Variants in EFEMP1 observed in about 807,000 individuals in gnomAD.
The protein encoded by EFEMP1 is EGF-like fibulin extracellular matrix protein 1, also known as EGF-containing fibulin-like extracellular matrix protein 1.
In EFEMP1, 18 loss-of-function variants were observed where a neutral mutation model predicts 65.7. That is an observed-to-expected ratio of 0.27 (90% CI 0.19 to 0.41). EFEMP1 has a LOEUF of 0.41. EFEMP1 is among the 10% of genes least tolerant of loss of function. The probability of loss-of-function intolerance (pLI) is 1.00; values close to 1 mark genes in which losing one functional copy is unlikely to be tolerated. For synonymous variants in EFEMP1, 237 were observed against 219.7 expected, an observed-to-expected ratio of 1.08 and a Z score of -0.70; for missense variants, 469 against 624.8, an observed-to-expected ratio of 0.75 and a Z score of 2.66.
rs944063701 is a variant in EFEMP1, at chr2:55,867,460, A to G, written c.1321-226T>C. Among the ~76,000 whole-genome samples, 1 of 149,652 alleles carries G rather than the reference A, an allele frequency of 6.7e-6. No homozygotes were observed. The highest frequency in any genetic ancestry group is 2.5e-5 in the African/African-American group (1 of 40,522). On this transcript the variant is annotated intron_variant, in intron 11 of 11. Coordinates refer to ENST00000355426, the MANE Select transcript of EFEMP1 (RefSeq NM_001039348.3). The surrounding 1 kb of genome is among the most constrained non-coding windows in gnomAD (Gnocchi z 4.3). ...AGGACTTGCTTTTTTTTTTTTTTAA[A>G]TAGTTCTTTGTTTTTGATTCCTCCC...
chr2:55,900,519 A>G (rs1669991780), intron 5 of EFEMP1, among the ~76,000 whole-genome samples: 1 of 152,236 alleles, frequency 6.6e-6, no homozygotes, highest in Non-Finnish European at 1.5e-5. Context: ...GAGAAAATGT[A>G]CTGTGCTCCA....
At position 55,907,548 on chromosome 2, in the gene EFEMP1, G is replaced by C. The variant is rs570544592; in HGVS notation, c.517+10117C>G. On this transcript the variant is annotated intron_variant, in intron 5 of 11. Coordinates refer to ENST00000355426, the MANE Select transcript of EFEMP1 (RefSeq NM_001039348.3). Reference sequence around the variant, plus strand: ...ATTCTGGTATATTAGAAAATATTGGGATATATAAGTTTTCAGAAAATAGTA... The same window carrying C: ...ATTCTGGTATATTAGAAAATATTGGCATATATAAGTTTTCAGAAAATAGTA... Among the ~76,000 whole-genome samples the C allele has an allele frequency of 2.4e-4, 37 of 152,308 alleles. 1 individual carries two copies. The highest frequency in any genetic ancestry group is 8.9e-4 in the African/African-American group (37 of 41,562).
At chr2:55,875,554 T>C (rs1263943537) in intron 8 of EFEMP1, among the ~76,000 whole-genome samples, 2 of 152,130 alleles carry the variant, frequency 1.3e-5, no homozygotes, top group East Asian at 1.9e-4. Flanking sequence ...GTTTTTCTTA[T>C]CATGACTTTT....
intron 5 of EFEMP1, among the ~76,000 whole-genome samples, chr2:55,908,787 C>T (rs1392708311): frequency 6.6e-6 from 1 of 152,090 alleles, no homozygotes; most frequent in African/African-American, 2.4e-5. Flanking sequence ...AATATTAACA[C>T]TTTCCCAACC....
intron 5 of EFEMP1, among the ~76,000 whole-genome samples, chr2:55,888,911 G>A (rs1429982121): frequency 1.3e-5 from 2 of 152,138 alleles, no homozygotes; most frequent in Non-Finnish European, 2.9e-5. Flanking sequence ...CATTTCAATT[G>A]TGTTTTCCTG....
intron 5 of EFEMP1, among the ~76,000 whole-genome samples, chr2:55,896,961 C>T (rs1290169545): frequency 6.6e-6 from 1 of 152,192 alleles, no homozygotes; most frequent in African/African-American, 2.4e-5. Flanking sequence ...TTGCTCTTCC[C>T]TTTTCCCATC....
rs1668918326 is a variant in EFEMP1, at chr2:55,873,852, C to G, written c.1000+1094G>C. 6.6e-6 allele frequency among the ~76,000 whole-genome samples: 1 copy of G among 151,982 alleles called. No individual in the cohort carries two copies. Among genetic ancestry groups the G allele is most frequent in the African/African-American group, 2.4e-5 (1 of 41,406 alleles). On this transcript the variant is annotated intron_variant, in intron 9 of 11. Coordinates refer to ENST00000355426, the MANE Select transcript of EFEMP1 (RefSeq NM_001039348.3). The surrounding 1 kb of genome is among the most constrained non-coding windows in gnomAD (Gnocchi z 4.6). ...GATATAGACTGAGAATCCCCAGTGTCTCCTTTCCTTGATCTTTCTTTTCTT... is the reference window on the plus strand; with the variant it reads ...GATATAGACTGAGAATCCCCAGTGTGTCCTTTCCTTGATCTTTCTTTTCTT...
intron 5 of EFEMP1, among the ~76,000 whole-genome samples, chr2:55,909,880 C>T (rs867319383): frequency 6.6e-6 from 1 of 152,094 alleles, no homozygotes; most frequent in African/African-American, 2.4e-5. Flanking sequence ...AGACTATGAG[C>T]ATTCCTTCCT....
intron 5 of EFEMP1, among the ~76,000 whole-genome samples, chr2:55,911,122 C>G (rs1467944670): frequency 1.3e-5 from 2 of 152,056 alleles, no homozygotes; most frequent in African/African-American, 2.4e-5. Flanking sequence ...AGATGTGTAT[C>G]CTGTTTTCTT....
chr2:55,902,522 T>C (rs1486612695), intron 5 of EFEMP1, among the ~76,000 whole-genome samples: 1 of 152,228 alleles, frequency 6.6e-6, no homozygotes, highest in Non-Finnish European at 1.5e-5. Context: ...AATAACTCCT[T>C]TCCAAGCTAG....
chr2:55,898,165 G>A (rs1381811981), intron 5 of EFEMP1, among the ~76,000 whole-genome samples: 1 of 152,178 alleles, frequency 6.6e-6, no homozygotes, highest in East Asian at 1.9e-4. Flanking sequence ...GACCATTGAA[G>A]GGCCTATTTA....
intron 5 of EFEMP1, among the ~76,000 whole-genome samples, chr2:55,904,012 A>G (rs34490503): frequency 0.38 from 57,943 of 151,906 alleles, 12,692 homozygotes; most frequent in African/African-American, 0.6. Flanking sequence ...GGTAAGAAGC[A>G]GCGCCTGGAA....
chr2:55,892,855 G>T (rs1022085709), intron 5 of EFEMP1, among the ~76,000 whole-genome samples: 9 of 152,010 alleles, frequency 5.9e-5, no homozygotes, highest in African/African-American at 1.2e-4. Context: ...CAAACTCTAC[G>T]TTCTTAGATC....
chr2:55,882,436 T>G (rs1054391029), intron 5 of EFEMP1, among the ~76,000 whole-genome samples: 7 of 152,208 alleles, frequency 4.6e-5, no homozygotes, highest in African/African-American at 7.2e-5. Flanking sequence ...TGGAATAATT[T>G]ACTAAATGTG....
rs932659918 is a variant in EFEMP1, at chr2:55,866,838, TGAA to T, written c.*232_*234del. ...CCAGATAGTGTATACTTAGCTCTCT[TGAA>T]GAAGACCAGTTTAGTGGATTAATGT... On this transcript the variant is annotated 3_prime_UTR_variant, in exon 12 of 12. Transcript: ENST00000355426. 4.0e-6 allele frequency: 2 copies of T among 500,684 alleles called. No homozygotes were observed. Among genetic ancestry groups the T allele is most frequent in the South Asian group, 2.2e-5 (1 of 44,796 alleles). 31.0% of individuals were successfully genotyped at this position (500,684 alleles called of 1,614,324 possible). A position where few individuals can be genotyped will look rare whatever the true frequency, so the allele number is the denominator to read the frequency against.
intron 5 of EFEMP1, among the ~76,000 whole-genome samples, chr2:55,899,204 A>G (rs1669943409): frequency 6.6e-6 from 1 of 152,224 alleles, no homozygotes; most frequent in Non-Finnish European, 1.5e-5. Flanking sequence ...CTTACCACTG[A>G]TGATGTGGGG....
intron 8 of EFEMP1, among the ~76,000 whole-genome samples, chr2:55,875,333 TATACACACACAC>T (rs1668987407): frequency 7.9e-6 from 1 of 126,880 alleles, no homozygotes; most frequent in African/African-American, 3.1e-5. Flanking sequence ...GGGTTTCATA[TATACACACACAC>T]ACACACACAC....
At position 55,866,874 on chromosome 2, in the gene EFEMP1, A is replaced by C; in HGVS notation, c.*199T>G. The C allele has an allele frequency of 1.6e-6, 1 of 630,902 alleles. No homozygotes were observed. The highest frequency in any genetic ancestry group is 2.0e-5 in the South Asian group (1 of 49,082). The allele number at this position is 630,902 out of a possible 1,614,324, so 39.1% of individuals were successfully genotyped here. On this transcript the variant is annotated 3_prime_UTR_variant, in exon 12 of 12. Transcript: ENST00000355426. ...AGTTTAGTGGATTAATGTCTAATTT[A>C]CATATAGTAATAAAGACAAACTTTG...
intron 6 of EFEMP1, 146 bp from the exon 7 acceptor site, chr2:55,878,011 T>C: frequency 3.1e-6 from 3 of 972,452 alleles, no homozygotes; most frequent in Non-Finnish European, 4.5e-6. Context: ...ATATGTATTT[T>C]AAATATACTT....
Sources: gnomAD v4.1 joint callset for allele counts (sites outside exome capture counted in the v4.1 genomes callset) on GRCh38, gnomAD v4.1.1 for gene constraint, Gnocchi (gnomAD v3.1) non-coding constraint, MANE v1.5 for transcripts, NCBI Gene and HGNC (gene_info 2026-07-23, HGNC 2026-07-21) for gene names.